EPHA6: variants seen among roughly 807,000 people sequenced by gnomAD.
EPHA6 encodes ephrin type-A receptor 6.
Under a neutral mutation model 112.0 loss-of-function variants are expected in EPHA6, and 50 were observed. That is an observed-to-expected ratio of 0.45 (90% CI 0.36 to 0.56). EPHA6 has a LOEUF of 0.56. Ranked by LOEUF, EPHA6 falls within the 20% of genes least tolerant of loss-of-function variation. The pLI is 0.00. For synonymous variants in EPHA6, 529 were observed against 490.7 expected (o/e 1.08, Z -1.03); for missense variants, 1,280 against 1,417.4 (o/e 0.90, Z 1.56).
At chr3:97,253,552 A>G (rs2079206400) in intron 5 of EPHA6, among the ~76,000 whole-genome samples, 1 of 152,162 alleles carries the variant, frequency 6.6e-6, no homozygotes, top group South Asian at 2.1e-4. Flanking sequence ...AATTATTTGT[A>G]TTCATTCTTT....
chr3:97,068,174 A>AG (rs2046238881), intron 3 of EPHA6, among the ~76,000 whole-genome samples: 1 of 151,496 alleles, frequency 6.6e-6, no homozygotes, highest in South Asian at 2.1e-4. Context: ...AGAAAAAAAA[A>AG]AAAAAAAGAG....
At chr3:97,344,622 C>A (rs933121717) in intron 5 of EPHA6, among the ~76,000 whole-genome samples, 1 of 152,106 alleles carries the variant, frequency 6.6e-6, no homozygotes, top group Non-Finnish European at 1.5e-5. Context: ...AATAAACTGC[C>A]AAATTGTTTT....
chr3:97,323,093 A>G (rs934768528), intron 5 of EPHA6, among the ~76,000 whole-genome samples: 1 of 151,914 alleles, frequency 6.6e-6, no homozygotes, highest in Non-Finnish European at 1.5e-5. Context: ...TGAACAAAAT[A>G]CTCTACACCA....
At chr3:97,119,475 T>C (rs2047983199) in intron 3 of EPHA6, among the ~76,000 whole-genome samples, 1 of 151,816 alleles carries the variant, frequency 6.6e-6, no homozygotes, top group South Asian at 2.1e-4. Flanking sequence ...CCAGAAGCAA[T>C]AAAAAGCTGA....
chr3:97,398,854 T>C (rs1288370436), intron 5 of EPHA6, among the ~76,000 whole-genome samples: 2 of 151,520 alleles, frequency 1.3e-5, no homozygotes, highest in East Asian at 3.9e-4. Context: ...TGGTATATAT[T>C]TATAGGGTAC....
chr3:97,530,531 TACA>T (rs921284505), intron 10 of EPHA6, among the ~76,000 whole-genome samples: 6 of 151,602 alleles, frequency 4.0e-5, no homozygotes, highest in Non-Finnish European at 8.8e-5. Context: ...ACTGAAAAAC[TACA>T]ACTTCTTTTT....
chr3:96,967,681 G>GTT (rs2042173840), intron 2 of EPHA6, among the ~76,000 whole-genome samples: 1 of 149,878 alleles, frequency 6.7e-6, no homozygotes. Context: ...TTGAGTAACA[G>GTT]TTGTGTGTGT....
At chr3:96,822,858 C>A (rs1420737275) in intron 1 of EPHA6, among the ~76,000 whole-genome samples, 2 of 150,794 alleles carry the variant, frequency 1.3e-5, no homozygotes, top group Non-Finnish European at 3.0e-5. Context: ...GAGTATAACA[C>A]CTAGAAATAG....
chr3:97,306,763 T>C (rs552010261), intron 5 of EPHA6, among the ~76,000 whole-genome samples: 22 of 151,980 alleles, frequency 1.4e-4, no homozygotes, highest in Non-Finnish European at 2.7e-4. Flanking sequence ...GGCACATTAA[T>C]ATCCTGAGCT....
chr3:97,152,087 A>T (rs1437732267), intron 3 of EPHA6, among the ~76,000 whole-genome samples: 1 of 151,996 alleles, frequency 6.6e-6, no homozygotes, highest in Non-Finnish European at 1.5e-5. Flanking sequence ...CTGGGGACAT[A>T]AGTAACCTTT....
At chr3:97,637,303 C>T (rs1245760740) in intron 13 of EPHA6, among the ~76,000 whole-genome samples, 1 of 152,112 alleles carries the variant, frequency 6.6e-6, no homozygotes, top group East Asian at 1.9e-4. Flanking sequence ...AAATGGAAAA[C>T]TCTATTTCTT....
rs565384601 is a variant in EPHA6 at position 97,557,019 on chromosome 3, T to G, written c.2386+24476T>G. On this transcript the variant is annotated intron_variant, in intron 11 of 17. Coordinates refer to ENST00000389672, the MANE Select transcript of EPHA6 (RefSeq NM_001080448.3). ...CTCTATTATATGAGTGTATTCTCTT[T>G]TACTTAACCTTTCAATCTATTGAAA... Among the ~76,000 whole-genome samples the G allele has an allele frequency of 6.6e-5, 10 of 152,158 alleles. No homozygotes were observed. In the South Asian group the frequency reaches 1.9e-3, roughly 28 times the overall value.
chr3:97,598,052 G>A (rs1036087623), intron 12 of EPHA6, among the ~76,000 whole-genome samples: 4 of 152,010 alleles, frequency 2.6e-5, no homozygotes, highest in Non-Finnish European at 5.9e-5. Context: ...TGATCAAATT[G>A]CACTTCAGAA....
At position 97,757,546 on chromosome 3, in the gene EPHA6, A is replaced by G. The variant is rs571068116; in HGVS notation, c.*8845A>G. 6.6e-6 allele frequency among the ~76,000 whole-genome samples: 1 copy of G among 151,810 alleles called. No homozygotes were observed. The highest frequency in any genetic ancestry group is 2.1e-4 in the South Asian group (1 of 4,824). On this transcript the variant is annotated 3_prime_UTR_variant, in exon 18 of 18. Coordinates refer to ENST00000389672, the MANE Select transcript of EPHA6 (RefSeq NM_001080448.3). The stretch of plus-strand genomic sequence containing the variant: ...CATAGCACTTTAAACATATTAATAA[A>G]TTATCCCATGGATAATAAAGAGATT...
rs2035871553 is a variant in EPHA6, at chr3:97,750,437, A to G, written c.*1736A>G. Among the ~76,000 whole-genome samples the G allele has an allele frequency of 1.3e-5, 2 of 151,588 alleles. No homozygotes were observed. The highest frequency in any genetic ancestry group is 2.9e-5 in the Non-Finnish European group (2 of 67,904). Reference sequence around the variant, plus strand: ...AATGGTGAGATCTTGGCTCACGGCAACCTCTGCCTCCCGGGTTCAAGCGAT... The same window carrying G: ...AATGGTGAGATCTTGGCTCACGGCAGCCTCTGCCTCCCGGGTTCAAGCGAT... On this transcript the variant is annotated 3_prime_UTR_variant, in exon 18 of 18. Transcript: ENST00000389672.
intron 14 of EPHA6, among the ~76,000 whole-genome samples, chr3:97,684,810 C>T (rs1049747576): frequency 3.3e-5 from 5 of 152,084 alleles, no homozygotes; most frequent in Admixed American, 6.6e-5. Context: ...TCATCAGATA[C>T]GTAAAATTGT....
At chr3:97,566,511 A>T (rs2093269049) in intron 11 of EPHA6, among the ~76,000 whole-genome samples, 2 of 152,202 alleles carry the variant, frequency 1.3e-5, no homozygotes, top group Non-Finnish European at 2.9e-5. Context: ...CTGCTTTGGG[A>T]TCCAATCTTG....
intron 4 of EPHA6, among the ~76,000 whole-genome samples, chr3:97,236,620 T>C (rs554965100): frequency 1.3e-5 from 2 of 152,250 alleles, no homozygotes; most frequent in East Asian, 3.9e-4. Flanking sequence ...CAAATACCTA[T>C]GAGTGAAAAC....
rs187760464 is a variant in EPHA6, at chr3:97,628,206, A to G, written c.2575-9667A>G. ...CTCTAAACTAGGATCGTTGCAGTAGAGTTTATGGGAAATGGTCAAAGTCTA... is the reference window on the plus strand; with the variant it reads ...CTCTAAACTAGGATCGTTGCAGTAGGGTTTATGGGAAATGGTCAAAGTCTA... On this transcript the variant is annotated intron_variant, in intron 13 of 17. Transcript: ENST00000389672. Among the ~76,000 whole-genome samples, 38 of 152,096 alleles carry G rather than the reference A, an allele frequency of 2.5e-4. No individual in the cohort carries two copies. In the East Asian group the frequency reaches 6.8e-3, roughly 27 times the overall value.
Sources: gnomAD v4.1 joint callset for allele counts (sites outside exome capture counted in the v4.1 genomes callset) on GRCh38, gnomAD v4.1.1 for gene constraint, MANE v1.5 for transcripts, NCBI Gene and HGNC (gene_info 2026-07-23, HGNC 2026-07-21) for gene names.